Variants in UGT2A1 observed in about 807,000 individuals in gnomAD.
UGT2A1 encodes UDP-glucuronosyltransferase 2A1.
UGT2A1 carries 61 observed loss-of-function variants against 45.4 expected under a neutral mutation model. The observed-to-expected ratio is 1.34, with a 90% confidence interval of 1.09 to 1.66. The LOEUF (loss-of-function observed/expected upper bound fraction) is 1.66. UGT2A1 is among the 40% of genes most tolerant of loss of function. The probability of loss-of-function intolerance (pLI) is 0.00; values close to 1 mark genes in which losing one functional copy is unlikely to be tolerated. For missense variants in UGT2A1, 649 were observed against 574.3 expected, an observed-to-expected ratio of 1.13 and a Z score of -1.33; for synonymous variants, 229 against 196.2, an observed-to-expected ratio of 1.17 and a Z score of -1.40.
intron 3 of UGT2A1, chr4:69,599,711 A>AGGC: frequency 5.3e-6 from 1 of 189,752 alleles, no homozygotes; most frequent in Non-Finnish European, 1.0e-5. Flanking sequence ...GAGAGAGAGG[A>AGGC]AGAGAGAGAG....
intron 3 of UGT2A1, among the ~76,000 whole-genome samples, chr4:69,621,389 A>T (rs1215021210): frequency 5.9e-5 from 9 of 152,058 alleles, no homozygotes; most frequent in Admixed American, 5.9e-4. Context: ...CAAGTATATT[A>T]AAAAGCTAAA....
chr4:69,594,381 G>A, intron 6 of UGT2A1, 96 bp downstream of exon 6: 1 of 1,467,734 alleles, frequency 6.8e-7, no homozygotes, highest in Non-Finnish European at 9.1e-7. Flanking sequence ...GTTGTTATTG[G>A]AAAATAATTA....
At chr4:69,625,204 C>T (rs1379257966) in intron 3 of UGT2A1, among the ~76,000 whole-genome samples, 1 of 148,618 alleles carries the variant, frequency 6.7e-6, no homozygotes, top group African/African-American at 2.5e-5. Context: ...TTTTAATTTT[C>T]CTTCCATTTT....
chr4:69,611,429 T>C (rs1005307031), intron 3 of UGT2A1, among the ~76,000 whole-genome samples: 1 of 151,660 alleles, frequency 6.6e-6, no homozygotes, highest in Non-Finnish European at 1.5e-5. Flanking sequence ...TTCTACAAGA[T>C]AACCCAGAAA....
intron 3 of UGT2A1, among the ~76,000 whole-genome samples, chr4:69,620,461 T>G (rs765801944): frequency 1.4e-5 from 2 of 144,596 alleles, no homozygotes; most frequent in Non-Finnish European, 3.1e-5. Context: ...TACAAAACAC[T>G]GCTCAAAGAA....
At chr4:69,599,158 T>C in intron 4 of UGT2A1, 88 bp downstream of exon 4, 8 of 1,457,110 alleles carry the variant, frequency 5.5e-6, no homozygotes, top group Non-Finnish European at 6.3e-6. Flanking sequence ...TCCAGCAGCA[T>C]TTATTTGTTA....
In UGT2A1 at chr4:69,594,593, A is replaced by T; in HGVS notation, c.1188T>A (p.Asp396Glu). Reference sequence around the variant, plus strand: ...TCATGTGAGCAATGTTATCAGGCTGATCAGCAAACATGGGAACTCCCACCA... The same window carrying T: ...TCATGTGAGCAATGTTATCAGGCTGTTCAGCAAACATGGGAACTCCCACCA... ...VPMVGVPMFA[D>E]QPDNIAHMKA... Residue 396 changes from aspartate to glutamate, a missense_variant, in exon 6 of 7, where the codon GAT becomes GAA. Coordinates refer to ENST00000286604, the MANE Select transcript of UGT2A1 (RefSeq NM_001252275.3). 6.2e-7 allele frequency: 1 copy of T among 1,614,142 alleles called. No individual in the cohort carries two copies. Among genetic ancestry groups the T allele is most frequent in the Non-Finnish European group, 8.5e-7 (1 of 1,180,032 alleles).
At chr4:69,642,155 T>C (rs1461067168) in intron 2 of UGT2A1, among the ~76,000 whole-genome samples, 2 of 151,790 alleles carry the variant, frequency 1.3e-5, no homozygotes, top group Non-Finnish European at 2.9e-5. Flanking sequence ...CAAGATTATA[T>C]CCACACAAAT....
intron 3 of UGT2A1, among the ~76,000 whole-genome samples, chr4:69,621,820 C>A (rs1343668911): frequency 1.3e-5 from 2 of 151,804 alleles, no homozygotes; most frequent in African/African-American, 4.8e-5. Context: ...ACTACACAGC[C>A]ATAAAAAGGA....
chr4:69,613,278 A>C lies in UGT2A1; in HGVS notation c.848-13884T>G, dbSNP rs907221618. Among the ~76,000 whole-genome samples, 5 of 151,998 alleles carry C rather than the reference A, an allele frequency of 3.3e-5. No individual in the cohort carries two copies. In the South Asian group the frequency reaches 1.0e-3, roughly 31 times the overall value. ...TAGACATATATAGCCCATAAGACTGAAGTGTGAAGAAATCCAAAACCTGAA... is the reference window on the plus strand; with the variant it reads ...TAGACATATATAGCCCATAAGACTGCAGTGTGAAGAAATCCAAAACCTGAA... On this transcript the variant is annotated intron_variant, in intron 3 of 6. Coordinates refer to ENST00000286604, the MANE Select transcript of UGT2A1 (RefSeq NM_001252275.3).
At chr4:69,641,355 TGA>T (rs1722040390) in intron 2 of UGT2A1, among the ~76,000 whole-genome samples, 1 of 151,934 alleles carries the variant, frequency 6.6e-6, no homozygotes, top group Non-Finnish European at 1.5e-5. Context: ...TAGTCTGAAT[TGA>T]TAATCCTCAT....
chr4:69,648,284 T>C (rs1402309365), intron 1 of UGT2A1, among the ~76,000 whole-genome samples: 2 of 8,830 alleles, frequency 2.3e-4, no homozygotes, highest in Admixed American at 1.8e-3. Flanking sequence ...TAGTAATATG[T>C]TTACAAAAAT....
chr4:69,615,230 C>A (rs972084216), intron 3 of UGT2A1, among the ~76,000 whole-genome samples: 3 of 151,992 alleles, frequency 2.0e-5, no homozygotes, highest in African/African-American at 4.8e-5. Context: ...TAATTTAAAT[C>A]TAATCTTTCT....
At chr4:69,645,602 G>C (rs951429674) in intron 2 of UGT2A1, among the ~76,000 whole-genome samples, 1 of 151,550 alleles carries the variant, frequency 6.6e-6, no homozygotes, top group Admixed American at 6.6e-5. Flanking sequence ...CTTTCCTAGA[G>C]TGATACATTA....
intron 3 of UGT2A1, among the ~76,000 whole-genome samples, chr4:69,629,417 C>A (rs1018492466): frequency 6.6e-6 from 1 of 152,018 alleles, no homozygotes; most frequent in Non-Finnish European, 1.5e-5. Context: ...GAATACAGTG[C>A]CTAATAAGAG....
intron 2 of UGT2A1, among the ~76,000 whole-genome samples, chr4:69,642,040 T>A (rs1054095894): frequency 2.0e-5 from 3 of 151,758 alleles, no homozygotes; most frequent in African/African-American, 7.3e-5. Context: ...CATAAGGCAG[T>A]CACTCTCAGT....
chr4:69,591,585 G>GT (rs931193504), intron 6 of UGT2A1, among the ~76,000 whole-genome samples: 1 of 152,026 alleles, frequency 6.6e-6, no homozygotes, highest in Non-Finnish European at 1.5e-5. Flanking sequence ...TGCCAGAGAG[G>GT]TATACTAAGG....
chr4:69,611,300 TAATGCTA>T (rs1720033772), intron 3 of UGT2A1, among the ~76,000 whole-genome samples: 7 of 148,962 alleles, frequency 4.7e-5, no homozygotes, highest in Admixed American at 6.7e-5. Flanking sequence ...CAGCTATTCT[TAATGCTA>T]TTAATTTCTG....
intron 3 of UGT2A1, among the ~76,000 whole-genome samples, chr4:69,623,913 T>C (rs907540405): frequency 1.3e-5 from 2 of 151,660 alleles, no homozygotes; most frequent in Non-Finnish European, 3.0e-5. Flanking sequence ...ACAAAATTAA[T>C]GCTGGCCAGA....
Sources: allele counts gnomAD v4.1 joint callset (sites outside exome capture counted in the v4.1 genomes callset), GRCh38; gene constraint gnomAD v4.1.1; transcripts MANE v1.5; gene names NCBI Gene and HGNC (gene_info 2026-07-23, HGNC 2026-07-21).